ADCY8: variants seen among roughly 807,000 people sequenced by gnomAD.
The protein encoded by ADCY8 is adenylate cyclase type 8.
Under a neutral mutation model 119.7 loss-of-function variants are expected in ADCY8, and 51 were observed. The observed-to-expected ratio is 0.43, with a 90% CI of 0.34 to 0.54. The LOEUF (loss-of-function observed/expected upper bound fraction) is 0.54. ADCY8 is among the 20% of genes least tolerant of loss of function. ADCY8 has a pLI of 0.03. For synonymous variants in ADCY8, 665 were observed against 651.0 expected (o/e 1.02, Z -0.33); for missense variants, 1,383 against 1,598.8 (o/e 0.87, Z 2.30).
At chr8:130,920,539 A>G (rs902051864) in intron 5 of ADCY8, among the ~76,000 whole-genome samples, 1 of 152,218 alleles carries the variant, frequency 6.6e-6, no homozygotes, top group Non-Finnish European at 1.5e-5. Flanking sequence ...TGCAAAAGTA[A>G]TTGCGGTTTT....
chr8:130,816,704 C>T (rs532643282), intron 13 of ADCY8, among the ~76,000 whole-genome samples: 9 of 152,284 alleles, frequency 5.9e-5, no homozygotes, highest in African/African-American at 2.2e-4. Context: ...GGATTACAGG[C>T]ATGAGCCACT....
chr8:131,008,711 G>A (rs892306206), intron 1 of ADCY8, among the ~76,000 whole-genome samples: 1 of 152,224 alleles, frequency 6.6e-6, no homozygotes, highest in Non-Finnish European at 1.5e-5. Flanking sequence ...GGTTGGAAAA[G>A]TTTGGAGGGC....
chr8:130,939,828 T>G (rs550891842), intron 4 of ADCY8, among the ~76,000 whole-genome samples: 2 of 152,334 alleles, frequency 1.3e-5, no homozygotes, highest in African/African-American at 4.8e-5. Context: ...TTATCTTTTT[T>G]CGTTGAGCTT....
At chr8:130,988,052 T>A (rs979602771) in intron 2 of ADCY8, among the ~76,000 whole-genome samples, 2 of 152,212 alleles carry the variant, frequency 1.3e-5, no homozygotes, top group Non-Finnish European at 2.9e-5. Context: ...ATGTTATTAT[T>A]CCCATGCCAT....
chr8:130,825,228 A>C (rs1490379621), intron 12 of ADCY8, among the ~76,000 whole-genome samples: 3 of 152,192 alleles, frequency 2.0e-5, no homozygotes, highest in Non-Finnish European at 4.4e-5. Context: ...ATTTAAAAAC[A>C]TACAGTAAAT....
chr8:130,868,038 A>G lies in ADCY8; in HGVS notation c.2110-92T>C, dbSNP rs550283543. 1,066 of 779,168 alleles carry G rather than the reference A, an allele frequency of 1.4e-3. 2 individuals carry two copies. Among genetic ancestry groups the G allele is most frequent in the Middle Eastern group, 9.0e-3 (26 of 2,888 alleles). 48.3% of individuals were successfully genotyped at this position (779,168 alleles called of 1,614,324 possible). On this transcript the variant is annotated intron_variant, in intron 8 of 17. Coordinates refer to ENST00000286355, the MANE Select transcript of ADCY8 (RefSeq NM_001115.3). ...CATCAAGAAGAAACAAGGCAATTAG[A>G]TTTTTTTTAAATTAAGAATAATTCA...
intron 1 of ADCY8, among the ~76,000 whole-genome samples, chr8:131,030,330 C>A (rs1172819687): frequency 6.6e-6 from 1 of 152,190 alleles, no homozygotes; most frequent in Non-Finnish European, 1.5e-5. Context: ...CAACTGATGA[C>A]TTGGCCCATC....
intron 13 of ADCY8, among the ~76,000 whole-genome samples, chr8:130,820,133 TATTA>T (rs1816462438): frequency 6.6e-6 from 1 of 152,240 alleles, no homozygotes; most frequent in African/African-American, 2.4e-5. Flanking sequence ...ACTCAATAAA[TATTA>T]ATTCTTTATT....
intron 1 of ADCY8, among the ~76,000 whole-genome samples, chr8:131,018,373 G>A (rs1157065899): frequency 6.6e-6 from 1 of 152,100 alleles, no homozygotes; most frequent in Non-Finnish European, 1.5e-5. Context: ...AATTAATCAT[G>A]CTTCTTTCTT....
chr8:130,916,837 G>A (rs1353276997), intron 5 of ADCY8, among the ~76,000 whole-genome samples: 1 of 152,210 alleles, frequency 6.6e-6, no homozygotes, highest in Non-Finnish European at 1.5e-5. Context: ...TAATAAATAT[G>A]TGGGTAAATC....
At chr8:130,911,821 AT>A (rs1819991106) in intron 5 of ADCY8, among the ~76,000 whole-genome samples, 2 of 151,642 alleles carry the variant, frequency 1.3e-5, no homozygotes, top group African/African-American at 4.8e-5. Flanking sequence ...ATATCTTCAT[AT>A]AATTTTATTA....
intron 5 of ADCY8, among the ~76,000 whole-genome samples, chr8:130,921,649 C>A (rs1375241192): frequency 6.6e-6 from 1 of 151,918 alleles, no homozygotes; most frequent in Non-Finnish European, 1.5e-5. Flanking sequence ...GATGGGGTTT[C>A]TCCATGTTGG....
chr8:130,902,502 T>A (rs1819635126), intron 7 of ADCY8, among the ~76,000 whole-genome samples: 1 of 152,208 alleles, frequency 6.6e-6, no homozygotes, highest in Non-Finnish European at 1.5e-5. Flanking sequence ...AGGTTCAACC[T>A]GCAGCTTTTC....
Sources: allele counts gnomAD v4.1 joint callset (sites outside exome capture counted in the v4.1 genomes callset), GRCh38; gene constraint gnomAD v4.1.1; transcripts MANE v1.5; gene names NCBI Gene and HGNC (gene_info 2026-07-23, HGNC 2026-07-21).